Variants in EPB41L5 observed in about 807,000 individuals in gnomAD.
The protein encoded by EPB41L5 is erythrocyte membrane protein band 4.1 like 5, also known as band 4.1-like protein 5.
In EPB41L5, 55 loss-of-function variants were observed where a neutral mutation model predicts 106.6. The ratio of observed to expected loss-of-function variants is 0.52; its 90% CI spans 0.42 to 0.65. The LOEUF is 0.65. Among genes scored for constraint, EPB41L5 ranks in the 30% least tolerant of loss-of-function variants. EPB41L5 has a pLI of 0.00. For missense variants in EPB41L5, 871 were observed against 882.1 expected, an observed-to-expected ratio of 0.99 and a Z score of 0.16; for synonymous variants, 297 against 306.7, an observed-to-expected ratio of 0.97 and a Z score of 0.33.
At chr2:120,040,282 C>A (rs1465095162) in intron 2 of EPB41L5, among the ~76,000 whole-genome samples, 2 of 152,038 alleles carry the variant, frequency 1.3e-5, no homozygotes, top group Non-Finnish European at 1.5e-5. Context: ...CACTTGTACA[C>A]AGTACAGTGA....
chr2:120,022,976 C>CT (rs537474858), intron 2 of EPB41L5, among the ~76,000 whole-genome samples: 2 of 152,208 alleles, frequency 1.3e-5, no homozygotes, highest in East Asian at 3.9e-4. Context: ...GCATAAATGT[C>CT]TTTTTTTGAG....
chr2:120,019,310 C>G (rs758376794), intron 2 of EPB41L5, 46 bp downstream of exon 2: 1 of 1,550,862 alleles, frequency 6.4e-7, no homozygotes, highest in East Asian at 2.3e-5. Context: ...CGATTACTGT[C>G]TTTGTTTGTT....
intron 18 of EPB41L5, among the ~76,000 whole-genome samples, chr2:120,136,495 TC>T (rs1685930632): frequency 7.1e-6 from 1 of 141,748 alleles, no homozygotes; most frequent in South Asian, 2.2e-4. Context: ...CCCCCAATGA[TC>T]AGCTGCCTAC....
chr2:120,131,641 C>A lies in EPB41L5; in HGVS notation c.1525C>A (p.Leu509Ile). The A allele has an allele frequency of 6.2e-7, 1 of 1,613,506 alleles. No individual in the cohort carries two copies. The highest frequency in any genetic ancestry group is 8.5e-7 in the Non-Finnish European group (1 of 1,179,774). Reference sequence around the variant, plus strand: ...AGCATTAAAAGACACCTCAGAGAAGCTCAAACAGCTTGAGATGGAGAACAG... The same window carrying A: ...AGCATTAAAAGACACCTCAGAGAAGATCAAACAGCTTGAGATGGAGAACAG... Reference protein sequence around the residue: ...YETLKDTSEKLKQLEMENSPL... With the variant: ...YETLKDTSEKIKQLEMENSPL... Residue 509 changes from leucine (L) to isoleucine (I), a missense_variant, in exon 18 of 25, where the codon CTC (leucine) becomes ATC (isoleucine). Coordinates refer to ENST00000263713, the MANE Select transcript of EPB41L5 (RefSeq NM_020909.4).
intron 19 of EPB41L5, among the ~76,000 whole-genome samples, chr2:120,144,487 A>G (rs1205049930): frequency 6.6e-6 from 1 of 152,240 alleles, no homozygotes; most frequent in Non-Finnish European, 1.5e-5. Context: ...GACTTGAGGA[A>G]TAGAGAAGTA....
intron 3 of EPB41L5, among the ~76,000 whole-genome samples, chr2:120,046,758 GC>G (rs1679807438): frequency 6.6e-6 from 1 of 152,134 alleles, no homozygotes; most frequent in African/African-American, 2.4e-5. Context: ...GAATGGTATT[GC>G]CTAGGTTTTC....
intron 3 of EPB41L5, among the ~76,000 whole-genome samples, chr2:120,062,996 G>A (rs895267049): frequency 6.6e-6 from 1 of 152,066 alleles, no homozygotes; most frequent in Non-Finnish European, 1.5e-5. Flanking sequence ...TTTTGAAGTG[G>A]TCAGAATGTG....
At chr2:120,044,631 A>C (rs1679643824) in intron 3 of EPB41L5, among the ~76,000 whole-genome samples, 1 of 152,216 alleles carries the variant, frequency 6.6e-6, no homozygotes, top group East Asian at 1.9e-4. Flanking sequence ...AGTCATTACT[A>C]AGTTGTATTA....
chr2:120,075,403 G>A (rs2105323854), intron 5 of EPB41L5, 73 bp from the exon 6 acceptor site: 1 of 1,090,494 alleles, frequency 9.2e-7, no homozygotes, highest in East Asian at 2.4e-5. Context: ...TACTTCTCAA[G>A]TTAGAAGTGT....
rs1281384927 is a variant in EPB41L5 at position 120,078,379 on chromosome 2, T to C, written c.715-114T>C. ...GTTGAAAACATCTCATATATTAATA[T>C]TAGCCTGTATATAATTAATACAATT... On this transcript the variant is annotated intron_variant, in intron 9 of 24. Coordinates refer to ENST00000263713, the MANE Select transcript of EPB41L5 (RefSeq NM_020909.4). 9.9e-6 allele frequency: 5 copies of C among 505,308 alleles called. No individual in the cohort carries two copies. The Admixed American group carries it at 1.5e-4, about 16-fold the overall frequency. 31.3% of individuals were successfully genotyped at this position (505,308 alleles called of 1,614,324 possible).
chr2:120,075,420 T>A, intron 5 of EPB41L5, 56 bp from the exon 6 acceptor site: 1 of 1,307,416 alleles, frequency 7.6e-7, no homozygotes, highest in Admixed American at 1.8e-5. Flanking sequence ...GTGTAAGATT[T>A]TTTTTCACAG....
At chr2:120,150,970 A>G (rs988052689) in intron 20 of EPB41L5, among the ~76,000 whole-genome samples, 9 of 152,326 alleles carry the variant, frequency 5.9e-5, no homozygotes, top group Non-Finnish European at 1.2e-4. Context: ...TAACAGTTGC[A>G]TAGCTTTGGC....
intron 2 of EPB41L5, among the ~76,000 whole-genome samples, chr2:120,034,570 T>A (rs1678922439): frequency 6.6e-6 from 1 of 151,980 alleles, no homozygotes; most frequent in African/African-American, 2.4e-5. Context: ...TTAGCACAGT[T>A]AAATTTGTTA....
intron 16 of EPB41L5, among the ~76,000 whole-genome samples, chr2:120,124,165 A>G (rs556216246): frequency 4.6e-5 from 7 of 152,278 alleles, no homozygotes; most frequent in African/African-American, 1.4e-4. Flanking sequence ...CACTTCCCCA[A>G]CACAGGCAAT....
intron 10 of EPB41L5, among the ~76,000 whole-genome samples, chr2:120,086,680 G>A (rs1222395886): frequency 6.6e-6 from 1 of 152,218 alleles, no homozygotes; most frequent in Non-Finnish European, 1.5e-5. Context: ...GTTCACGGCT[G>A]CAGTGAGCTG....
chr2:120,146,191 A>C lies in EPB41L5; in HGVS notation c.1729-34A>C. On this transcript the variant is annotated intron_variant, in intron 19 of 24. Coordinates refer to ENST00000263713, the MANE Select transcript of EPB41L5 (RefSeq NM_020909.4). ...TCTTGTTACTTTAGTATCCTCAATA[A>C]AGATTTACTTTTTTTAATATTTCAT... 4 of 1,320,948 alleles carry C rather than the reference A, an allele frequency of 3.0e-6. No individual in the cohort carries two copies. The East Asian group carries it at 9.8e-5, about 32-fold the overall frequency. 81.8% of individuals were successfully genotyped at this position (1,320,948 alleles called of 1,614,324 possible). A position where few individuals can be genotyped will look rare whatever the true frequency, so the allele number is the denominator to read the frequency against.
intron 16 of EPB41L5, among the ~76,000 whole-genome samples, chr2:120,119,720 A>AAAAC (rs139503477): frequency 0.046 from 6,948 of 152,246 alleles, 221 homozygotes; most frequent in Non-Finnish European, 0.071. Flanking sequence ...GGAGAATTTA[A>AAAAC]AAACATACAT....
At chr2:120,158,635 C>G (rs908717068) in intron 20 of EPB41L5, among the ~76,000 whole-genome samples, 1 of 152,176 alleles carries the variant, frequency 6.6e-6, no homozygotes. Flanking sequence ...CAACATCATA[C>G]TGAATGGGCA....
Position 120,074,176 on chromosome 2 carries a change from C to G in EPB41L5, c.405C>G (p.Thr135=), listed in dbSNP as rs757352267. 2 of 1,606,764 alleles carry G rather than the reference C, an allele frequency of 1.2e-6. No homozygotes were observed. Among genetic ancestry groups the G allele is most frequent in the Admixed American group, 1.7e-5 (1 of 59,708 alleles). The change falls in exon 5 of 25, where the codon ACC becomes ACG. Residue 135 remains threonine (T), a splice_region_variant and synonymous_variant. Transcript: ENST00000263713. ...SEPNNLREEL[T]RYLFVLQLKQ... ...CAAATAACCTTCGTGAGGAGCTAACCCGGTAAGAACACCATCTAGAATTGT... is the reference window on the plus strand; with the variant it reads ...CAAATAACCTTCGTGAGGAGCTAACGCGGTAAGAACACCATCTAGAATTGT...
Sources: gnomAD v4.1 joint callset for allele counts (sites outside exome capture counted in the v4.1 genomes callset) on GRCh38, gnomAD v4.1.1 for gene constraint, MANE v1.5 for transcripts, NCBI Gene and HGNC (gene_info 2026-07-23, HGNC 2026-07-21) for gene names.